Variants in PCDHA5 observed in about 807,000 individuals in gnomAD.
The protein encoded by PCDHA5 is protocadherin alpha-5.
PCDHA5 carries 43 observed loss-of-function variants against 61.6 expected under a neutral mutation model. That is an observed-to-expected ratio of 0.70 (90% CI 0.55 to 0.90). The LOEUF is 0.90. Ranked by LOEUF, PCDHA5 falls within the 40% of genes least tolerant of loss-of-function variation. The pLI is 0.00. For synonymous variants in PCDHA5, 627 were observed against 543.9 expected, an observed-to-expected ratio of 1.15 and a Z score of -2.13; for missense variants, 1,298 against 1,222.7, an observed-to-expected ratio of 1.06 and a Z score of -0.92.
intron 1 of PCDHA5, among the ~76,000 whole-genome samples, chr5:140,973,282 C>T (rs1554235080): frequency 2.6e-5 from 4 of 152,148 alleles, no homozygotes; most frequent in African/African-American, 7.2e-5. Context: ...TCCCCCAGCA[C>T]TGATTTTTCT....
chr5:140,869,838 A>G, intron 1 of PCDHA5: 6 of 1,611,734 alleles, frequency 3.7e-6, no homozygotes, highest in Non-Finnish European at 5.1e-6. Context: ...TTGATAAATC[A>G]GAATATAAGG....
intron 1 of PCDHA5, chr5:140,968,828 C>T (rs1404451202): frequency 6.2e-7 from 1 of 1,614,198 alleles, no homozygotes; most frequent in South Asian, 1.1e-5. Context: ...TTCCAAAATC[C>T]TCCCTGACAC....
At chr5:140,859,929 A>C (rs568538695) in intron 1 of PCDHA5, 3 of 152,046 alleles carry the variant, frequency 2.0e-5, no homozygotes, top group African/African-American at 7.2e-5. Context: ...TAATATAAAA[A>C]ACTTAGTAAA....
intron 1 of PCDHA5, chr5:140,841,949 T>G (rs2150326373): frequency 6.2e-7 from 1 of 1,613,920 alleles, no homozygotes. Context: ...TGCGCACCAC[T>G]TATTCCTGAC....
intron 1 of PCDHA5, chr5:140,875,686 G>C (rs17844351): frequency 0.022 from 35,932 of 1,613,570 alleles, 480 homozygotes; most frequent in East Asian, 0.061. Flanking sequence ...CAAAAGACAC[G>C]GGGACCTTCT....
intron 1 of PCDHA5, among the ~76,000 whole-genome samples, chr5:140,941,216 T>TTTCTTTCTTTCTTTCTTTC (rs2092891567): frequency 8.0e-6 from 1 of 124,950 alleles, no homozygotes; most frequent in East Asian, 2.2e-4. Context: ...TCTTTCTTCC[T>TTTCTTTCTTTCTTTCTTTC]TTCTTTCTTT....
intron 3 of PCDHA5, among the ~76,000 whole-genome samples, chr5:140,992,490 G>A (rs2097515419): frequency 6.6e-6 from 1 of 152,196 alleles, no homozygotes; most frequent in Non-Finnish European, 1.5e-5. Flanking sequence ...AGGCCAATCT[G>A]TAAGGATTCA....
At chr5:140,876,798 CG>C (rs1562719394) in intron 1 of PCDHA5, 1 of 1,614,180 alleles carries the variant, frequency 6.2e-7, no homozygotes, top group East Asian at 2.2e-5. Flanking sequence ...CTAGAGTGTC[CG>C]TGGAGGTGGC....
Position 140,824,157 on chromosome 5 carries a change from TC to T in PCDHA5, c.2352+33del, listed in dbSNP as rs2150132750. The T allele has an allele frequency of 1.9e-6, 3 of 1,611,546 alleles. No individual in the cohort carries two copies. In the Admixed American group the frequency reaches 5.0e-5, roughly 27 times the overall value. On this transcript the variant is annotated intron_variant, in intron 1 of 3. Transcript: ENST00000529859. ...GTTTTCTAATATTAACATCCATCTT[TC>T]CCTCCCAATTTTCAAATATTAAATG...
chr5:140,927,802 A>G (rs782489417), intron 1 of PCDHA5: 1 of 1,614,030 alleles, frequency 6.2e-7, no homozygotes, highest in African/African-American at 1.3e-5. Flanking sequence ...TCCGCCTGAA[A>G]CGCTCTTGGA....
intron 3 of PCDHA5, among the ~76,000 whole-genome samples, chr5:140,988,417 A>G (rs2097297098): frequency 6.6e-6 from 1 of 152,150 alleles, no homozygotes; most frequent in Non-Finnish European, 1.5e-5. Flanking sequence ...GCTTATGTAA[A>G]GAATTTGTTT....
chr5:140,914,769 T>C (rs2076832006), intron 1 of PCDHA5, among the ~76,000 whole-genome samples: 1 of 152,160 alleles, frequency 6.6e-6, no homozygotes, highest in South Asian at 2.1e-4. Flanking sequence ...ATGAGGTTTA[T>C]GACTTATCTT....
chr5:140,988,535 A>T (rs1426235004), intron 3 of PCDHA5, among the ~76,000 whole-genome samples: 2 of 152,164 alleles, frequency 1.3e-5, no homozygotes, highest in Non-Finnish European at 2.9e-5. Flanking sequence ...GGCTCCATCC[A>T]TTCATGACTT....
chr5:140,977,429 C>T (rs143756065), intron 1 of PCDHA5, among the ~76,000 whole-genome samples: 9 of 152,228 alleles, frequency 5.9e-5, no homozygotes, highest in South Asian at 2.1e-4. Context: ...CCTCTAACAC[C>T]GCTAGTAGAT....
intron 1 of PCDHA5, among the ~76,000 whole-genome samples, chr5:140,943,274 A>G (rs1179008027): frequency 6.4e-5 from 9 of 141,284 alleles, no homozygotes; most frequent in Non-Finnish European, 1.0e-4. Flanking sequence ...AAAAAAAAAA[A>G]AAAGAAAGAA....
At chr5:140,850,669 C>A in intron 1 of PCDHA5, 1 of 1,598,502 alleles carries the variant, frequency 6.3e-7, no homozygotes, top group South Asian at 1.1e-5. Flanking sequence ...CGGTGCTCGG[C>A]GATGCCCACC....
intron 1 of PCDHA5, chr5:140,966,879 GC>G: frequency 1.3e-6 from 2 of 1,587,514 alleles, no homozygotes; most frequent in Non-Finnish European, 1.7e-6. Flanking sequence ...CTGCTACCTG[GC>G]CCTGCGGCCT....
At chr5:140,925,072 G>A (rs921580794) in intron 1 of PCDHA5, among the ~76,000 whole-genome samples, 10 of 149,184 alleles carry the variant, frequency 6.7e-5, no homozygotes, top group Admixed American at 2.0e-4. Flanking sequence ...AAAGCAACAC[G>A]CTCATCTGGA....
chr5:140,849,878 G>C, intron 1 of PCDHA5: 1 of 1,598,602 alleles, frequency 6.3e-7, no homozygotes, highest in South Asian at 1.1e-5. Context: ...CCGAGTACAC[G>C]GTGTTCGTGA....
Sources: gnomAD v4.1 joint callset for allele counts (sites outside exome capture counted in the v4.1 genomes callset) on GRCh38, gnomAD v4.1.1 for gene constraint, MANE v1.5 for transcripts, NCBI Gene and HGNC (gene_info 2026-07-23, HGNC 2026-07-21) for gene names.